Variants in PPP3CC observed in about 807,000 individuals in gnomAD.
PPP3CC encodes the protein protein phosphatase 3 catalytic subunit gamma.
In PPP3CC, 35 loss-of-function variants were observed where a neutral mutation model predicts 60.3. That is an observed-to-expected ratio of 0.58 (90% confidence interval 0.44 to 0.77). PPP3CC has a LOEUF of 0.77. PPP3CC is among the 30% of genes least tolerant of loss of function. The pLI, the probability that PPP3CC is intolerant of heterozygous loss-of-function variation, is 0.00. For missense variants in PPP3CC, 570 were observed against 628.9 expected, an observed-to-expected ratio of 0.91 and a Z score of 1.00; for synonymous variants, 206 against 224.3, an observed-to-expected ratio of 0.92 and a Z score of 0.73.
intron 1 of PPP3CC, among the ~76,000 whole-genome samples, chr8:22,463,941 C>A (rs1200672092): frequency 1.3e-5 from 2 of 152,154 alleles, no homozygotes; most frequent in South Asian, 2.1e-4. Flanking sequence ...TGTCCACCAC[C>A]AAACCCCGCT....
chr8:22,455,135 A>G (rs748782336), intron 1 of PPP3CC, among the ~76,000 whole-genome samples: 23 of 152,088 alleles, frequency 1.5e-4, no homozygotes, highest in Middle Eastern at 3.4e-3. Flanking sequence ...TTCCTTTTCT[A>G]TAGTATAGAT....
chr8:22,447,644 C>T (rs984311308), intron 1 of PPP3CC, among the ~76,000 whole-genome samples: 1 of 152,092 alleles, frequency 6.6e-6, no homozygotes, highest in African/African-American at 2.4e-5. Context: ...TAAAATTTAG[C>T]AGCATTTTAC....
intron 13 of PPP3CC, among the ~76,000 whole-genome samples, chr8:22,539,861 G>C (rs1300136695): frequency 6.6e-6 from 1 of 152,132 alleles, no homozygotes; most frequent in Non-Finnish European, 1.5e-5. Flanking sequence ...CCTCTTCAGC[G>C]ATTCTAAAAG....
At chr8:22,489,883 A>G in intron 3 of PPP3CC, among the ~76,000 whole-genome samples, 1 of 150,630 alleles carries the variant, frequency 6.6e-6, no homozygotes, top group East Asian at 1.9e-4. Flanking sequence ...GTGCAGTGGC[A>G]CGATCTCAGC....
At chr8:22,517,371 G>A (rs1418400735) in intron 6 of PPP3CC, among the ~76,000 whole-genome samples, 1 of 152,078 alleles carries the variant, frequency 6.6e-6, no homozygotes, top group African/African-American at 2.4e-5. Context: ...AGTGATGCTG[G>A]CCTCATAATG....
chr8:22,456,267 T>C (rs532035758), intron 1 of PPP3CC, among the ~76,000 whole-genome samples: 29 of 152,344 alleles, frequency 1.9e-4, no homozygotes, highest in African/African-American at 6.5e-4. Flanking sequence ...TATGCAGATC[T>C]ACATCAGATT....
chr8:22,531,437 C>T, intron 10 of PPP3CC: 1 of 1,117,294 alleles, frequency 9.0e-7, no homozygotes, highest in Non-Finnish European at 1.3e-6. Flanking sequence ...GGCTCTCCAT[C>T]CGCCCCTTCA....
intron 3 of PPP3CC, among the ~76,000 whole-genome samples, chr8:22,492,077 A>G (rs1838421138): frequency 6.6e-6 from 1 of 151,996 alleles, no homozygotes; most frequent in Non-Finnish European, 1.5e-5. Context: ...ACTTACATAA[A>G]CCTAGGTGGT....
At chr8:22,514,043 C>G (rs376019845) in intron 6 of PPP3CC, among the ~76,000 whole-genome samples, 1 of 151,972 alleles carries the variant, frequency 6.6e-6, no homozygotes, top group African/African-American at 2.4e-5. Flanking sequence ...GCCAGGAGTT[C>G]GAGACCAGCC....
intron 5 of PPP3CC, among the ~76,000 whole-genome samples, chr8:22,511,504 A>T (rs1839086803): frequency 6.6e-6 from 1 of 152,124 alleles, no homozygotes; most frequent in Non-Finnish European, 1.5e-5. Context: ...TCCTGACCTC[A>T]ACTGATCTGC....
chr8:22,493,713 C>T (rs931363927), intron 3 of PPP3CC, among the ~76,000 whole-genome samples: 1 of 152,134 alleles, frequency 6.6e-6, no homozygotes, highest in African/African-American at 2.4e-5. Flanking sequence ...GCTGTCATGT[C>T]GTATAACAGT....
At chr8:22,486,390 TA>T (rs1312322281) in intron 3 of PPP3CC, among the ~76,000 whole-genome samples, 4 of 152,212 alleles carry the variant, frequency 2.6e-5, no homozygotes, top group Admixed American at 2.0e-4. Flanking sequence ...ATGATTGGTC[TA>T]GGGGTAAACA....
intron 6 of PPP3CC, among the ~76,000 whole-genome samples, chr8:22,522,139 G>GCACA (rs35520234): frequency 7.5e-4 from 112 of 149,012 alleles, no homozygotes; most frequent in Admixed American, 3.2e-3. Context: ...ACACACACAC[G>GCACA]CACACACACA....
chr8:22,539,010 G>A (rs976681000), intron 12 of PPP3CC, among the ~76,000 whole-genome samples: 1 of 152,042 alleles, frequency 6.6e-6, no homozygotes, highest in Non-Finnish European at 1.5e-5. Context: ...GTAATTAATA[G>A]GGCAGTTGGA....
chr8:22,453,080 G>T (rs532012629), intron 1 of PPP3CC, among the ~76,000 whole-genome samples: 1 of 152,172 alleles, frequency 6.6e-6, no homozygotes, highest in African/African-American at 2.4e-5. Context: ...ATTACCAGCC[G>T]TGTGGCCTTT....
chr8:22,488,760 G>T (rs1052822171), intron 3 of PPP3CC, among the ~76,000 whole-genome samples: 4 of 152,216 alleles, frequency 2.6e-5, no homozygotes, highest in African/African-American at 9.7e-5. Flanking sequence ...CTTTTGAAGA[G>T]GCAATTGTTG....
intron 8 of PPP3CC, among the ~76,000 whole-genome samples, chr8:22,526,386 T>A (rs183585580): frequency 3.7e-4 from 56 of 152,326 alleles, no homozygotes; most frequent in East Asian, 1.7e-3. Flanking sequence ...ATATGACATA[T>A]TTACCTAAAC....
chr8:22,492,354 G>T (rs977707557), intron 3 of PPP3CC, among the ~76,000 whole-genome samples: 1 of 152,128 alleles, frequency 6.6e-6, no homozygotes, highest in African/African-American at 2.4e-5. Context: ...GAATGTGAAG[G>T]CCTAAGACAT....
At chr8:22,504,200 A>G (rs1838845018) in intron 4 of PPP3CC, among the ~76,000 whole-genome samples, 1 of 152,076 alleles carries the variant, frequency 6.6e-6, no homozygotes, top group Admixed American at 6.6e-5. Flanking sequence ...GGTACATGTG[A>G]TATTTTTACT....
Sources: gnomAD v4.1 joint callset for allele counts (sites outside exome capture counted in the v4.1 genomes callset) on GRCh38, gnomAD v4.1.1 for gene constraint, MANE v1.5 for transcripts, NCBI Gene and HGNC (gene_info 2026-07-23, HGNC 2026-07-21) for gene names.